TRHDE: variants seen among roughly 807,000 people sequenced by gnomAD.
The protein encoded by TRHDE is thyrotropin releasing hormone degrading enzyme.
In TRHDE, 72 loss-of-function variants were observed where a neutral mutation model predicts 125.7. The ratio of observed to expected loss-of-function variants is 0.57; its 90% CI spans 0.47 to 0.70. The LOEUF is 0.70. TRHDE is among the 30% of genes least tolerant of loss of function. TRHDE has a pLI of 0.00. For synonymous variants in TRHDE, 509 were observed against 509.1 expected (o/e 1.00, Z 0.00); for missense variants, 1,110 against 1,327.1 (o/e 0.84, Z 2.54).
chr12:72,517,636 C>T (rs1878946974), intron 6 of TRHDE, among the ~76,000 whole-genome samples: 1 of 152,152 alleles, frequency 6.6e-6, no homozygotes, highest in South Asian at 2.1e-4. Context: ...TTTTGTGTCT[C>T]TATGTCCTTC....
At chr12:72,464,126 C>T (rs1876254621) in intron 3 of TRHDE, among the ~76,000 whole-genome samples, 1 of 152,120 alleles carries the variant, frequency 6.6e-6, no homozygotes, top group African/African-American at 2.4e-5. Context: ...CACTGGGGGC[C>T]TATCAAATGG....
Position 72,132,040 on chromosome 12 carries a change from C to T in TRHDE, n.279+26288C>T, listed in dbSNP as rs190246047. Reference sequence around the variant, plus strand: ...CTAATTTTTTAAAAAGAATTTAACTCCTTTTATTCCTACCCTTTAATGATG... The same window carrying T: ...CTAATTTTTTAAAAAGAATTTAACTTCTTTTATTCCTACCCTTTAATGATG... On this transcript the variant is annotated intron_variant and non_coding_transcript_variant, in intron 2 of 4. Transcript: ENST00000548156. Among the ~76,000 whole-genome samples, 19 of 152,284 alleles carry T rather than the reference C, an allele frequency of 1.2e-4. No homozygotes were observed. The East Asian group carries it at 3.7e-3, about 29-fold the overall frequency.
At chr12:72,297,012 G>A (rs1880326323) in intron 2 of TRHDE, among the ~76,000 whole-genome samples, 1 of 152,176 alleles carries the variant, frequency 6.6e-6, no homozygotes, top group Non-Finnish European at 1.5e-5. Flanking sequence ...GCTACCTGAT[G>A]TTAATGGCTT....
At chr12:72,199,089 C>T (rs760153140) in intron 2 of TRHDE, among the ~76,000 whole-genome samples, 22 of 152,180 alleles carry the variant, frequency 1.4e-4, no homozygotes, top group Non-Finnish European at 2.8e-4. Flanking sequence ...CACCAGGTCC[C>T]TCTCCCAACA....
At chr12:72,501,876 A>G (rs1353362159) in intron 6 of TRHDE, among the ~76,000 whole-genome samples, 1 of 152,012 alleles carries the variant, frequency 6.6e-6, no homozygotes, top group South Asian at 2.1e-4. Context: ...TGGGTTATTT[A>G]TTTATTTTAA....
chr12:72,092,272 G>GT (rs1217647770), intron 1 of TRHDE, among the ~76,000 whole-genome samples: 2 of 152,174 alleles, frequency 1.3e-5, no homozygotes, highest in Non-Finnish European at 2.9e-5. Flanking sequence ...GGTTCAAAAT[G>GT]TTTTTGAATT....
At chr12:72,091,730 A>T (rs1226499854) in intron 1 of TRHDE, among the ~76,000 whole-genome samples, 1 of 152,224 alleles carries the variant, frequency 6.6e-6, no homozygotes, top group Non-Finnish European at 1.5e-5. Flanking sequence ...CAAACTGGGT[A>T]TGCCACCCAG....
At chr12:72,457,938 TAA>T (rs1875940807) in intron 3 of TRHDE, among the ~76,000 whole-genome samples, 1 of 152,176 alleles carries the variant, frequency 6.6e-6, no homozygotes, top group African/African-American at 2.4e-5. Context: ...ATCTGTCAAT[TAA>T]AGAGTGTCAA....
chr12:72,375,867 T>G (rs150953882), intron 2 of TRHDE, among the ~76,000 whole-genome samples: 1 of 152,202 alleles, frequency 6.6e-6, no homozygotes, highest in Non-Finnish European at 1.5e-5. Flanking sequence ...ATTTGTTGAA[T>G]GAATGAATGC....
chr12:72,436,883 A>G (rs1362544514), intron 3 of TRHDE, among the ~76,000 whole-genome samples: 2 of 151,930 alleles, frequency 1.3e-5, no homozygotes, highest in African/African-American at 4.8e-5. Context: ...AGAACATTAC[A>G]GCAAAATTTT....
At chr12:72,636,479 A>G (rs1489892258) in intron 15 of TRHDE, among the ~76,000 whole-genome samples, 1 of 150,948 alleles carries the variant, frequency 6.6e-6, no homozygotes, top group African/African-American at 2.4e-5. Flanking sequence ...TCTTTTCCTA[A>G]TTGAATACCC....
intron 2 of TRHDE, among the ~76,000 whole-genome samples, chr12:72,370,910 T>G: frequency 6.6e-6 from 1 of 152,084 alleles, no homozygotes; most frequent in East Asian, 1.9e-4. Flanking sequence ...GCTCAGCTAA[T>G]TTTTATATTT....
chr12:72,402,063 C>T (rs893087652), intron 3 of TRHDE, among the ~76,000 whole-genome samples: 1 of 152,012 alleles, frequency 6.6e-6, no homozygotes, highest in African/African-American at 2.4e-5. Flanking sequence ...AACTGGCTGG[C>T]TAAAACAACA....
intron 2 of TRHDE, among the ~76,000 whole-genome samples, chr12:72,149,360 T>C (rs971172573): frequency 6.6e-6 from 1 of 152,182 alleles, no homozygotes; most frequent in Non-Finnish European, 1.5e-5. Flanking sequence ...AATGTTCTAT[T>C]CAATTCTTCA....
At chr12:72,229,585 T>C (rs1399101763) in intron 2 of TRHDE, among the ~76,000 whole-genome samples, 3 of 152,214 alleles carry the variant, frequency 2.0e-5, no homozygotes, top group Non-Finnish European at 2.9e-5. Context: ...AGACATTGAA[T>C]TGCATTCCTT....
chr12:72,158,825 CT>C (rs1876574453), intron 2 of TRHDE, among the ~76,000 whole-genome samples: 1 of 152,136 alleles, frequency 6.6e-6, no homozygotes, highest in African/African-American at 2.4e-5. Flanking sequence ...ATCTGATTTT[CT>C]GAGTCTATTT....
At chr12:72,492,099 G>A (rs1877710169) in intron 5 of TRHDE, among the ~76,000 whole-genome samples, 1 of 151,932 alleles carries the variant, frequency 6.6e-6, no homozygotes, top group East Asian at 1.9e-4. Context: ...AGTATAAATG[G>A]ACTGTTTTAA....
chr12:72,461,039 G>T (rs1006941538), intron 3 of TRHDE, among the ~76,000 whole-genome samples: 1 of 152,150 alleles, frequency 6.6e-6, no homozygotes, highest in South Asian at 2.1e-4. Flanking sequence ...TGAATGTGTG[G>T]CAGGAGGATC....
chr12:72,497,800 A>G (rs1877983535), intron 5 of TRHDE, among the ~76,000 whole-genome samples: 1 of 152,100 alleles, frequency 6.6e-6, no homozygotes, highest in South Asian at 2.1e-4. Flanking sequence ...TTTTTCTGAG[A>G]TCTTAGTGTT....
Sources: allele counts gnomAD v4.1 joint callset (sites outside exome capture counted in the v4.1 genomes callset), GRCh38; gene constraint gnomAD v4.1.1; transcripts MANE v1.5; gene names NCBI Gene and HGNC (gene_info 2026-07-23, HGNC 2026-07-21).